LRRC8B: variants seen among roughly 807,000 people sequenced by gnomAD.
The protein encoded by LRRC8B is volume-regulated anion channel subunit LRRC8B.
Under a neutral mutation model 58.8 loss-of-function variants are expected in LRRC8B, and 23 were observed. The observed-to-expected ratio is 0.39, with a 90% CI of 0.28 to 0.55. The LOEUF (loss-of-function observed/expected upper bound fraction) is 0.55. LRRC8B is among the 20% of genes least tolerant of loss of function. The pLI, the probability that LRRC8B is intolerant of heterozygous loss-of-function variation, is 0.62. For missense variants in LRRC8B, 694 were observed against 936.0 expected (o/e 0.74, Z 3.37); for synonymous variants, 359 against 374.1 (o/e 0.96, Z 0.47).
At chr1:89,557,298 C>G (rs556555782) in intron 1 of LRRC8B, among the ~76,000 whole-genome samples, 1 of 152,082 alleles carries the variant, frequency 6.6e-6, no homozygotes, top group Non-Finnish European at 1.5e-5. Flanking sequence ...TTTTGTTTCC[C>G]TGGAACCACA....
chr1:89,592,074 A>G lies in LRRC8B; in HGVS notation c.2140-697A>G, dbSNP rs536667111. ...TTGACATGCAACCTATCTACCATAT[A>G]GGGCAGCAGTCAACGGGAGCAGCTT... On this transcript the variant is annotated intron_variant, in intron 5 of 5. Coordinates refer to ENST00000330947, the MANE Select transcript of LRRC8B (RefSeq NM_001369817.2). 1.2e-4 allele frequency among the ~76,000 whole-genome samples: 18 copies of G among 152,268 alleles called. No homozygotes were observed. In the East Asian group the frequency reaches 3.3e-3, roughly 28 times the overall value.
At chr1:89,542,638 G>A (rs1419053245) in intron 1 of LRRC8B, among the ~76,000 whole-genome samples, 1 of 152,126 alleles carries the variant, frequency 6.6e-6, no homozygotes, top group African/African-American at 2.4e-5. Flanking sequence ...TTACTATTAT[G>A]AATTTACTAT....
At chr1:89,569,079 T>C (rs984224837) in intron 3 of LRRC8B, among the ~76,000 whole-genome samples, 2 of 152,190 alleles carry the variant, frequency 1.3e-5, no homozygotes, top group African/African-American at 4.8e-5. Context: ...GAAGAATTTG[T>C]ACACTGTATT....
At chr1:89,578,894 G>T (rs2061478) in intron 3 of LRRC8B, among the ~76,000 whole-genome samples, 61,400 of 151,932 alleles carry the variant, frequency 0.4, 13,706 homozygotes, top group South Asian at 0.55. Context: ...TGTTACAAAT[G>T]GCTTTTATTA....
intron 1 of LRRC8B, among the ~76,000 whole-genome samples, chr1:89,557,452 G>T (rs1652278186): frequency 6.6e-6 from 1 of 152,158 alleles, no homozygotes; most frequent in African/African-American, 2.4e-5. Flanking sequence ...GTTTGCTACT[G>T]CAATGATTTC....
At chr1:89,542,787 A>C (rs1272467522) in intron 1 of LRRC8B, among the ~76,000 whole-genome samples, 1 of 152,228 alleles carries the variant, frequency 6.6e-6, no homozygotes, top group African/African-American at 2.4e-5. Context: ...TCTCATCATG[A>C]GTATTGGCAT....
At chr1:89,580,441 T>C (rs930305289) in intron 4 of LRRC8B, among the ~76,000 whole-genome samples, 3 of 152,234 alleles carry the variant, frequency 2.0e-5, no homozygotes, top group African/African-American at 7.2e-5. Context: ...TATGCATACA[T>C]GTCAACTAAA....
chr1:89,528,507 A>G (rs1649868486), intron 1 of LRRC8B, among the ~76,000 whole-genome samples: 1 of 152,248 alleles, frequency 6.6e-6, no homozygotes, highest in Admixed American at 6.5e-5. Context: ...CAAACTTCAT[A>G]GACTGACAGG....
chr1:89,553,217 A>T (rs1412787568), intron 1 of LRRC8B, among the ~76,000 whole-genome samples: 1 of 152,234 alleles, frequency 6.6e-6, no homozygotes, highest in Non-Finnish European at 1.5e-5. Flanking sequence ...ACTGAAATTA[A>T]GTTACCTTGT....
chr1:89,531,761 C>T (rs768366005), intron 1 of LRRC8B, among the ~76,000 whole-genome samples: 15 of 152,278 alleles, frequency 9.9e-5, no homozygotes, highest in South Asian at 2.1e-4. Context: ...TTTTGCCCTC[C>T]GAACAGCCAT....
intron 3 of LRRC8B, among the ~76,000 whole-genome samples, chr1:89,570,462 A>G (rs934304425): frequency 1.3e-5 from 2 of 152,114 alleles, no homozygotes; most frequent in African/African-American, 4.8e-5. Context: ...CATTTCTCTA[A>G]TGATCAGTGA....
chr1:89,564,357 AAGAT>A (rs1167988997), intron 1 of LRRC8B, among the ~76,000 whole-genome samples: 2 of 152,202 alleles, frequency 1.3e-5, no homozygotes, highest in Non-Finnish European at 2.9e-5. Context: ...GTTTTTCTAA[AAGAT>A]AGATTGTAGC....
intron 5 of LRRC8B, among the ~76,000 whole-genome samples, chr1:89,592,399 A>T (rs1050824631): frequency 2.0e-5 from 3 of 152,132 alleles, no homozygotes; most frequent in African/African-American, 7.2e-5. Flanking sequence ...AGGGTAATTT[A>T]TTTCTGATCA....
intron 1 of LRRC8B, among the ~76,000 whole-genome samples, chr1:89,527,522 A>G (rs567799589): frequency 6.6e-6 from 1 of 152,362 alleles, no homozygotes; most frequent in South Asian, 2.1e-4. Flanking sequence ...ACCATTCAAG[A>G]GGAATTTGGG....
chr1:89,593,280 C>T lies in LRRC8B; in HGVS notation c.*237C>T, dbSNP rs919810020. 4.7e-5 allele frequency: 20 copies of T among 428,318 alleles called. No individual in the cohort carries two copies. Among genetic ancestry groups the T allele is most frequent in the East Asian group, 4.1e-4 (10 of 24,518 alleles). 26.5% of individuals were successfully genotyped at this position (428,318 alleles called of 1,614,324 possible). A position where few individuals can be genotyped will look rare whatever the true frequency, so the allele number is the denominator to read the frequency against. On this transcript the variant is annotated 3_prime_UTR_variant, in exon 6 of 6. Coordinates refer to ENST00000330947, the MANE Select transcript of LRRC8B (RefSeq NM_001369817.2). ...TAATCCCAGCTACTTGGGAGGCTGA[C>T]GCAGGGGAATTGCTTGAACCAGGGA...
chr1:89,529,478 GTCTC>G (rs35629610), intron 1 of LRRC8B, among the ~76,000 whole-genome samples: 5 of 150,718 alleles, frequency 3.3e-5, no homozygotes, highest in African/African-American at 9.8e-5. Context: ...TGCAACCATA[GTCTC>G]TCTCTCTCTC....
rs538679882 is a variant in LRRC8B, at chr1:89,543,574, C to T, written c.-241+18552C>T. On this transcript the variant is annotated intron_variant, in intron 1 of 5. Coordinates refer to ENST00000330947, the MANE Select transcript of LRRC8B (RefSeq NM_001369817.2). ...GCAGTGGCACAATCTCAGCTCACTG[C>T]AACCTCTGCCTCCCGGGTTCAAGTG... is the stretch of plus-strand genomic sequence containing the variant. Among the ~76,000 whole-genome samples the T allele has an allele frequency of 8.5e-5, 13 of 152,140 alleles. No homozygotes were observed. In the South Asian group the frequency reaches 2.7e-3, roughly 32 times the overall value.
At chr1:89,571,583 A>G (rs900923839) in intron 3 of LRRC8B, among the ~76,000 whole-genome samples, 2 of 152,120 alleles carry the variant, frequency 1.3e-5, no homozygotes, top group Admixed American at 6.6e-5. Flanking sequence ...CCAGCTTAAG[A>G]AGCTTTTGGG....
intron 1 of LRRC8B, among the ~76,000 whole-genome samples, chr1:89,535,354 G>T (rs571117287): frequency 1.3e-5 from 2 of 152,214 alleles, no homozygotes; most frequent in East Asian, 3.9e-4. Context: ...AGGGATATCC[G>T]ATAGGGAAAG....
Sources: allele counts gnomAD v4.1 joint callset (sites outside exome capture counted in the v4.1 genomes callset), GRCh38; gene constraint gnomAD v4.1.1; transcripts MANE v1.5; gene names NCBI Gene and HGNC (gene_info 2026-07-23, HGNC 2026-07-21).